Variants in NRXN3 observed in about 807,000 individuals in gnomAD.
NRXN3 encodes the protein neurexin III.
Under a neutral mutation model 137.6 loss-of-function variants are expected in NRXN3, and 32 were observed. The ratio of observed to expected loss-of-function variants is 0.23; its 90% confidence interval spans 0.18 to 0.31. The LOEUF (loss-of-function observed/expected upper bound fraction) is 0.31, where lower values mean the gene tolerates loss of function less well. Ranked by LOEUF, NRXN3 falls within the 10% of genes least tolerant of loss-of-function variation. The pLI is 1.00. For synonymous variants in NRXN3, 798 were observed against 784.5 expected, an observed-to-expected ratio of 1.02 and a Z score of -0.29; for missense variants, 1,574 against 2,062.5, an observed-to-expected ratio of 0.76 and a Z score of 4.59.
chr14:79,749,202 T>C (rs1380901106), intron 19 of NRXN3, among the ~76,000 whole-genome samples: 2 of 152,072 alleles, frequency 1.3e-5, no homozygotes, highest in Non-Finnish European at 2.9e-5. Flanking sequence ...GTCTGGTATC[T>C]GATGGCTTTC....
chr14:78,188,316 A>C (rs986653933), intron 1 of NRXN3, among the ~76,000 whole-genome samples: 4 of 152,182 alleles, frequency 2.6e-5, no homozygotes, highest in Non-Finnish European at 4.4e-5. Flanking sequence ...ATCTGAGATC[A>C]AGGTCATGGG....
intron 15 of NRXN3, among the ~76,000 whole-genome samples, chr14:79,089,813 C>T (rs760368562): frequency 1.1e-4 from 16 of 152,202 alleles, no homozygotes; most frequent in Admixed American, 2.0e-4. Flanking sequence ...TTGAAAGAAA[C>T]ACAGAAAATT....
chr14:78,526,953 A>G (rs933161926), intron 4 of NRXN3, among the ~76,000 whole-genome samples: 1 of 152,226 alleles, frequency 6.6e-6, no homozygotes, highest in African/African-American at 2.4e-5. Flanking sequence ...GACTATTTGT[A>G]CAGGGCTGTG....
intron 11 of NRXN3, among the ~76,000 whole-genome samples, chr14:78,961,362 C>A (rs2152980772): frequency 6.6e-6 from 1 of 152,140 alleles, no homozygotes; most frequent in South Asian, 2.1e-4. Context: ...AATACAAGCC[C>A]CTCCCCCCAG....
chr14:78,822,656 C>T (rs1050673587), intron 10 of NRXN3, among the ~76,000 whole-genome samples: 1 of 148,936 alleles, frequency 6.7e-6, no homozygotes, highest in Admixed American at 6.7e-5. Context: ...GCCTGGGTAA[C>T]AGAGCAAGAT....
intron 6 of NRXN3, among the ~76,000 whole-genome samples, chr14:78,674,652 A>G (rs1282086680): frequency 6.6e-6 from 1 of 152,104 alleles, no homozygotes; most frequent in Non-Finnish European, 1.5e-5. Context: ...AAGTTCCTTA[A>G]TTGTTCCCCA....
At chr14:78,260,133 A>G (rs2153474012) in intron 2 of NRXN3, among the ~76,000 whole-genome samples, 1 of 152,310 alleles carries the variant, frequency 6.6e-6, no homozygotes, top group Non-Finnish European at 1.5e-5. Context: ...TGGTGGTAAG[A>G]CTGGTGAGCA....
chr14:79,644,845 T>C (rs898081981), intron 16 of NRXN3, among the ~76,000 whole-genome samples: 2 of 136,094 alleles, frequency 1.5e-5, no homozygotes, highest in African/African-American at 4.9e-5. Context: ...AAAACTATCC[T>C]GTGAAGTATG....
At chr14:79,154,552 C>A (rs372992422) in intron 15 of NRXN3, among the ~76,000 whole-genome samples, 96 of 151,942 alleles carry the variant, frequency 6.3e-4, no homozygotes, top group African/African-American at 2.3e-3. Context: ...TTATGGTAAG[C>A]TTATTCACAC....
chr14:79,321,183 A>G (rs1386599593), intron 15 of NRXN3, among the ~76,000 whole-genome samples: 2 of 152,104 alleles, frequency 1.3e-5, no homozygotes, highest in African/African-American at 4.8e-5. Flanking sequence ...GCCCAGGTGG[A>G]TAAGATGGTA....
intron 15 of NRXN3, among the ~76,000 whole-genome samples, chr14:79,315,722 A>C (rs1429369828): frequency 6.6e-6 from 1 of 152,202 alleles, no homozygotes; most frequent in Non-Finnish European, 1.5e-5. Context: ...TAATATAAAA[A>C]AGGGATATAA....
At chr14:78,527,116 T>G (rs981548538) in intron 4 of NRXN3, among the ~76,000 whole-genome samples, 1 of 152,228 alleles carries the variant, frequency 6.6e-6, no homozygotes, top group African/African-American at 2.4e-5. Flanking sequence ...ATCAATAAAC[T>G]AAATTTACCC....
intron 2 of NRXN3, among the ~76,000 whole-genome samples, chr14:78,260,703 C>T (rs1260615132): frequency 1.3e-5 from 2 of 152,214 alleles, no homozygotes; most frequent in African/African-American, 2.4e-5. Context: ...CTTCTCTTGT[C>T]TGCTGCCATG....
At chr14:78,977,648 C>T (rs1220446975) in intron 14 of NRXN3, among the ~76,000 whole-genome samples, 1 of 152,172 alleles carries the variant, frequency 6.6e-6, no homozygotes, top group Non-Finnish European at 1.5e-5. Flanking sequence ...AAATACCCTA[C>T]CTGCAGCAAG....
intron 15 of NRXN3, among the ~76,000 whole-genome samples, chr14:79,444,914 T>C (rs905301709): frequency 3.9e-5 from 6 of 152,228 alleles, no homozygotes; most frequent in Admixed American, 3.9e-4. Context: ...AAATAAGCCT[T>C]GTTCTATGTG....
intron 15 of NRXN3, among the ~76,000 whole-genome samples, chr14:79,224,237 TG>T (rs1024558294): frequency 9.1e-4 from 138 of 152,248 alleles, no homozygotes; most frequent in Non-Finnish European, 4.3e-4. Context: ...TAGCCTTACT[TG>T]GTTGTCAGCT....
intron 3 of NRXN3, among the ~76,000 whole-genome samples, chr14:78,297,281 A>G (rs1339952055): frequency 6.6e-6 from 1 of 152,198 alleles, no homozygotes; most frequent in East Asian, 1.9e-4. Flanking sequence ...TACATTCCAT[A>G]TGATTCAATT....
intron 1 of NRXN3, among the ~76,000 whole-genome samples, chr14:78,203,828 GTGTGTGTGTGGTT>G (rs796304089): frequency 0.31 from 28,299 of 91,420 alleles, 2,847 homozygotes; most frequent in Non-Finnish European, 0.35. Context: ...GTGTGTGTGT[GTGTGTGTGTGGTT>G]TGTGTGTGTG....
intron 15 of NRXN3, among the ~76,000 whole-genome samples, chr14:79,119,757 T>C (rs1015882863): frequency 6.6e-6 from 1 of 152,152 alleles, no homozygotes; most frequent in Non-Finnish European, 1.5e-5. Context: ...CTTTTTTTCA[T>C]TTTTTCTAAT....
Sources: gnomAD v4.1 joint callset for allele counts (sites outside exome capture counted in the v4.1 genomes callset) on GRCh38, gnomAD v4.1.1 for gene constraint, MANE v1.5 for transcripts, NCBI Gene and HGNC (gene_info 2026-07-23, HGNC 2026-07-21) for gene names.